ABCB9: variants seen among roughly 807,000 people sequenced by gnomAD.
ABCB9 encodes the protein ATP binding cassette subfamily B member 9.
A neutral mutation model predicts 62.0 loss-of-function variants in ABCB9; 36 were observed. That is an observed-to-expected ratio of 0.58 (90% CI 0.45 to 0.77). The LOEUF (loss-of-function observed/expected upper bound fraction) is 0.77. Among genes scored for constraint, ABCB9 ranks in the 30% least tolerant of loss-of-function variants. The probability of loss-of-function intolerance (pLI) is 0.00; values close to 1 mark genes in which losing one functional copy is unlikely to be tolerated. For synonymous variants in ABCB9, 435 were observed against 461.4 expected, an observed-to-expected ratio of 0.94 and a Z score of 0.73; for missense variants, 943 against 1,054.7, an observed-to-expected ratio of 0.89 and a Z score of 1.47.
intron 1 of ABCB9, among the ~76,000 whole-genome samples, chr12:122,965,349 G>A (rs1297144162): frequency 1.3e-5 from 2 of 152,224 alleles, no homozygotes; most frequent in South Asian, 2.1e-4. Flanking sequence ...ACCCCGGTGT[G>A]GGCCCAGACC....
chr12:122,950,394 C>G (rs2036296178), intron 3 of ABCB9, 57 bp downstream of exon 3: 1 of 1,497,016 alleles, frequency 6.7e-7, no homozygotes, highest in East Asian at 2.3e-5. Flanking sequence ...GCCCTCCCTT[C>G]CCTCCCTGGT....
chr12:122,931,440 T>G (rs1394737638), intron 11 of ABCB9: 6 of 150,776 alleles, frequency 4.0e-5, no homozygotes. Context: ...GTCTCCTGCC[T>G]CAGCCTCCCG....
intron 1 of ABCB9, among the ~76,000 whole-genome samples, chr12:122,961,493 G>A (rs1044160791): frequency 1.3e-5 from 2 of 152,162 alleles, no homozygotes; most frequent in African/African-American, 4.8e-5. Context: ...TGCGGGGCCA[G>A]AGATCAATTT....
chr12:122,923,350 CGA>C (rs879924883), intron 11 of ABCB9, among the ~76,000 whole-genome samples: 2 of 152,156 alleles, frequency 1.3e-5, no homozygotes, highest in Admixed American at 6.5e-5. Context: ...TGCAGTGGCG[CGA>C]CCTCCACGCA....
upstream of ABCB9, among the ~76,000 whole-genome samples, chr12:122,969,806 A>G (rs2037250317): frequency 6.6e-6 from 1 of 152,164 alleles, no homozygotes; most frequent in Non-Finnish European, 1.5e-5. Context: ...TAAAACAGCA[A>G]TGTGATATCA....
intron 1 of ABCB9, chr12:122,973,195 T>G (rs1331887946): frequency 2.0e-5 from 3 of 152,276 alleles, no homozygotes; most frequent in African/African-American, 7.2e-5. Flanking sequence ...AGGGCCAATC[T>G]AAACTGATAA....
At chr12:122,961,145 G>A (rs537943232) in intron 1 of ABCB9, among the ~76,000 whole-genome samples, 93 of 151,588 alleles carry the variant, frequency 6.1e-4, no homozygotes, top group Non-Finnish European at 1.1e-3. Flanking sequence ...TGGGGTGAGG[G>A]TGAATAGGAT....
chr12:122,975,086 AG>A (rs1426848268), exon 1 of ABCB9: 1 of 493,444 alleles, frequency 2.0e-6, no homozygotes, highest in African/African-American at 1.9e-5. Flanking sequence ...AACCCGGCCC[AG>A]GAGCATCTTT....
chr12:122,942,330 G>A (rs1005835454), intron 7 of ABCB9, among the ~76,000 whole-genome samples: 2 of 151,990 alleles, frequency 1.3e-5, no homozygotes, highest in African/African-American at 4.8e-5. Context: ...GCTCACACCT[G>A]TAATCCCAGC....
intron 1 of ABCB9, among the ~76,000 whole-genome samples, chr12:122,963,110 C>A (rs951192883): frequency 8.5e-5 from 13 of 152,110 alleles, no homozygotes; most frequent in African/African-American, 2.9e-4. Flanking sequence ...CCAGCCTGGG[C>A]AACATGGCGA....
At chr12:122,920,861 T>G, downstream of ABCB9, 2 of 618,242 alleles carry the variant, frequency 3.2e-6, no homozygotes, top group Non-Finnish European at 5.6e-6. Flanking sequence ...TGCAGTGAGG[T>G]GAGATCGTAC....
chr12:122,967,894 G>GT (rs553690254), upstream of ABCB9, among the ~76,000 whole-genome samples: 18 of 151,526 alleles, frequency 1.2e-4, no homozygotes, highest in South Asian at 2.1e-4. Context: ...ACAACACTAT[G>GT]TTTTTTTTTA....
intron 10 of ABCB9, 130 bp downstream of exon 10, chr12:122,935,142 G>T: frequency 8.6e-7 from 1 of 1,158,400 alleles, no homozygotes; most frequent in Non-Finnish European, 1.2e-6. Context: ...AGTCTGGCCA[G>T]GGTAACGTAG....
Position 122,959,861 on chromosome 12 carries a change from A to G in ABCB9, c.375T>C (p.Ile125=), listed in dbSNP as rs1450261717. 1 of 1,613,346 alleles carries G rather than the reference A, an allele frequency of 6.2e-7. No individual in the cohort carries two copies. Among genetic ancestry groups the G allele is most frequent in the African/African-American group, 1.3e-5 (1 of 74,926 alleles). The change falls in exon 2 of 12, where the codon ATT becomes ATC. Residue 125 remains isoleucine (I), a synonymous_variant. Transcript: ENST00000280560. The surrounding 1 kb of genome is among the most constrained non-coding windows in gnomAD (Gnocchi z 5.4). ...AGAGCAGGAAGGATGCGCCGAGTGAAATGTACGTCCACACGAACAGGGCCC... is the reference window on the plus strand; with the variant it reads ...AGAGCAGGAAGGATGCGCCGAGTGAGATGTACGTCCACACGAACAGGGCCC... ...WFWALFVWTY[I]SLGASFLLWW... is the part of the protein sequence containing the mutation.
intron 2 of ABCB9, chr12:122,950,878 T>C (rs2036330571): frequency 3.4e-6 from 1 of 293,750 alleles, no homozygotes; most frequent in Admixed American, 4.2e-5. Context: ...AGGGTCTCGC[T>C]GTGTCCCCCG....
intron 9 of ABCB9, among the ~76,000 whole-genome samples, chr12:122,936,812 G>A (rs562414546): frequency 6.6e-6 from 1 of 151,800 alleles, no homozygotes; most frequent in Middle Eastern, 3.4e-3. Context: ...GATGAGGCAG[G>A]AGAATCACTT....
intron 2 of ABCB9, among the ~76,000 whole-genome samples, chr12:122,954,970 T>C (rs933437033): frequency 2.0e-5 from 3 of 152,154 alleles, no homozygotes; most frequent in East Asian, 1.9e-4. Context: ...CAGTACCTAA[T>C]TGTCTTTTTT....
intron 1 of ABCB9, among the ~76,000 whole-genome samples, chr12:122,972,029 CATA>C (rs895128875): frequency 9.9e-5 from 14 of 141,758 alleles, no homozygotes; most frequent in African/African-American, 3.3e-4. Flanking sequence ...CAGCTTCATT[CATA>C]ATGTCTTTTT....
chr12:122,925,590 C>T (rs886544430), downstream of ABCB9, among the ~76,000 whole-genome samples: 2 of 152,044 alleles, frequency 1.3e-5, no homozygotes, highest in Non-Finnish European at 2.9e-5. Flanking sequence ...CTACTAAAAA[C>T]GCAAAAAATT....
Sources: gnomAD v4.1 joint callset for allele counts (sites outside exome capture counted in the v4.1 genomes callset) on GRCh38, gnomAD v4.1.1 for gene constraint, Gnocchi (gnomAD v3.1) non-coding constraint, MANE v1.5 for transcripts, NCBI Gene and HGNC (gene_info 2026-07-23, HGNC 2026-07-21) for gene names.